The following PHEX variants were observed in gnomAD, a reference collection of about 807,000 sequenced individuals.
PHEX encodes phosphate-regulating neutral endopeptidase PHEX.
Under a neutral mutation model 68.0 loss-of-function variants are expected in PHEX, and 16 were observed. That is an observed-to-expected ratio of 0.24 (90% CI 0.16 to 0.36). The LOEUF (loss-of-function observed/expected upper bound fraction) is 0.36, where lower values mean the gene tolerates loss of function less well. Ranked by LOEUF, PHEX falls within the 10% of genes least tolerant of loss-of-function variation. PHEX has a pLI of 1.00. For missense variants in PHEX, 480 were observed against 575.5 expected (o/e 0.83, Z 1.70); for synonymous variants, 208 against 205.1 (o/e 1.01, Z -0.12).
intron 12 of PHEX, among the ~76,000 whole-genome samples, chrX:22,155,489 T>G (rs1483639230): frequency 3.6e-5 from 4 of 112,382 alleles, no homozygotes; most frequent in Non-Finnish European, 7.5e-5. Context: ...TGAGAAACGT[T>G]AGGTGTTAGG....
At chrX:22,212,267 T>C (rs1054677996) in intron 15 of PHEX, among the ~76,000 whole-genome samples, 1 of 111,299 alleles carries the variant, frequency 9.0e-6, no homozygotes, top group African/African-American at 3.3e-5. Flanking sequence ...TGTATCGTAT[T>C]TACCTTGTAT....
intron 5 of PHEX, among the ~76,000 whole-genome samples, chrX:22,079,459 A>G (rs1929293868): frequency 1.8e-5 from 2 of 112,015 alleles, no homozygotes; most frequent in Admixed American, 9.5e-5. Context: ...AATTAAAAAT[A>G]TATCATTGCA....
chrX:22,084,698 G>T (rs960182789), intron 5 of PHEX, among the ~76,000 whole-genome samples: 2 of 110,182 alleles, frequency 1.8e-5, no homozygotes, highest in African/African-American at 3.3e-5. Context: ...TTAGTTTGTT[G>T]AGGTTTTCTA....
intron 3 of PHEX, among the ~76,000 whole-genome samples, chrX:22,056,578 A>G (rs967315802): frequency 3.6e-5 from 4 of 109,740 alleles, no homozygotes; most frequent in Non-Finnish European, 5.7e-5. Context: ...AGGTGGGTGG[A>G]TCACCTGAGG....
At chrX:22,156,245 G>A (rs1602343836) in intron 12 of PHEX, among the ~76,000 whole-genome samples, 1 of 110,444 alleles carries the variant, frequency 9.1e-6, no homozygotes, top group South Asian at 3.8e-4. Flanking sequence ...AAATATATGA[G>A]GGGACCTAAC....
At chrX:22,190,082 T>C (rs906513037) in intron 14 of PHEX, among the ~76,000 whole-genome samples, 1 of 112,593 alleles carries the variant, frequency 8.9e-6, no homozygotes, top group Non-Finnish European at 1.9e-5. Context: ...ACCCATTGAA[T>C]AGGGCCTGGC....
intron 15 of PHEX, among the ~76,000 whole-genome samples, chrX:22,208,160 G>A (rs1434622154): frequency 9.3e-6 from 1 of 107,416 alleles, no homozygotes; most frequent in Non-Finnish European, 1.9e-5. Context: ...TATGTGTAGA[G>A]CCCTTTTTAC....
chrX:22,032,937 C>G lies in PHEX; in HGVS notation c.-69C>G. The G allele has an allele frequency of 1.3e-6, 1 of 795,558 alleles. No individual in the cohort carries two copies. The highest frequency in any genetic ancestry group is 1.9e-6 in the Non-Finnish European group (1 of 515,955). The allele number at this position is 795,558 out of a possible 1,213,427, so 65.6% of individuals were successfully genotyped here. A position where few individuals can be genotyped will look rare whatever the true frequency, so the allele number is the denominator to read the frequency against. ...AAGAAAGCCTTGGATGTCAACGCCT[C>G]GCTCTTGAGACCAGCCACCAAACCA... On this transcript the variant is annotated 5_prime_UTR_variant, in exon 1 of 22. Coordinates refer to ENST00000379374, the MANE Select transcript of PHEX (RefSeq NM_000444.6).
intron 2 of PHEX, among the ~76,000 whole-genome samples, chrX:22,042,646 G>T (rs189656309): frequency 1.8e-5 from 2 of 111,184 alleles, no homozygotes; most frequent in Admixed American, 9.6e-5. Context: ...TTAGCCAGGC[G>T]TGGTGGCGCA....
intron 9 of PHEX, among the ~76,000 whole-genome samples, chrX:22,103,516 C>T (rs1436024425): frequency 6.3e-5 from 7 of 110,987 alleles, no homozygotes; most frequent in Admixed American, 9.6e-5. Context: ...TTTGCATTCT[C>T]GTAGCTTACC....
chrX:22,235,757 A>T (rs1271974591), intron 20 of PHEX, among the ~76,000 whole-genome samples: 1 of 110,012 alleles, frequency 9.1e-6, no homozygotes, highest in Non-Finnish European at 1.9e-5. Flanking sequence ...GTTATCATAT[A>T]TAGGCATAAT....
intron 15 of PHEX, among the ~76,000 whole-genome samples, chrX:22,210,058 C>T (rs983881053): frequency 4.5e-5 from 5 of 111,862 alleles, no homozygotes; most frequent in Non-Finnish European, 7.5e-5. Flanking sequence ...TTATTTTTCA[C>T]TTCTACCTTT....
chrX:22,205,600 A>G (rs1454752355), intron 15 of PHEX, among the ~76,000 whole-genome samples: 3 of 110,265 alleles, frequency 2.7e-5, no homozygotes, highest in African/African-American at 9.9e-5. Context: ...GTTGTCTAAA[A>G]TCATCAGCAT....
chrX:22,073,047 G>T (rs1928975578), intron 3 of PHEX, among the ~76,000 whole-genome samples: 1 of 112,007 alleles, frequency 8.9e-6, no homozygotes, highest in South Asian at 3.7e-4. Flanking sequence ...ATGGGGCTTT[G>T]CAAGGTGGCT....
intron 5 of PHEX, among the ~76,000 whole-genome samples, chrX:22,079,807 A>G (rs1347260636): frequency 2.7e-5 from 3 of 111,439 alleles, no homozygotes; most frequent in African/African-American, 9.8e-5. Context: ...TAGCTGATGA[A>G]AGTTCTTGTT....
At chrX:22,033,258 C>G in intron 1 of PHEX, 135 bp downstream of exon 1, 1 of 508,827 alleles carries the variant, frequency 2.0e-6, no homozygotes, top group Non-Finnish European at 3.5e-6. Context: ...TCTTTAGTTT[C>G]TATCAAATAT....
At position 22,039,581 on chromosome X, in the gene PHEX, A is replaced by G. The variant is rs1363134119; in HGVS notation, c.187+1044A>G. On this transcript the variant is annotated intron_variant, in intron 2 of 21. Coordinates refer to ENST00000379374, the MANE Select transcript of PHEX (RefSeq NM_000444.6). ...ACTTATGTTGAAAGTGCTGCAGTGT[A>G]TCCTCAAGACAGTGAGAGAAAAGGG... is the stretch of plus-strand genomic sequence containing the variant. 2.7e-5 allele frequency among the ~76,000 whole-genome samples: 3 copies of G among 112,430 alleles called. No homozygotes were observed. The South Asian group carries it at 1.1e-3, about 41-fold the overall frequency.
rs1935549509 is a variant in PHEX at position 22,227,552 on chromosome X, C to CCTCTT, written c.2014_2018dup (p.Pro674PhefsTer15). 1 of 1,207,153 alleles carries CCTCTT rather than the reference C, an allele frequency of 8.3e-7. No homozygotes were observed. Among genetic ancestry groups the CCTCTT allele is most frequent in the Non-Finnish European group, 1.1e-6 (1 of 892,713 alleles). On this transcript the variant is annotated frameshift_variant, in exon 20 of 22. Coordinates refer to ENST00000379374, the MANE Select transcript of PHEX (RefSeq NM_000444.6). LOFTEE classifies it high-confidence loss of function. ...TGACAGAAGGCAGGGACTTGAGGAG[C>CCTCTT]CTCTTCTACCAGGCATCACATTCAC...
At chrX:22,064,940 T>C (rs1928529285) in intron 3 of PHEX, among the ~76,000 whole-genome samples, 1 of 112,515 alleles carries the variant, frequency 8.9e-6, no homozygotes, top group Non-Finnish European at 1.9e-5. Context: ...TACCCATTAA[T>C]ACCACATTAG....
Sources: gnomAD v4.1 joint callset for allele counts (sites outside exome capture counted in the v4.1 genomes callset) on GRCh38, gnomAD v4.1.1 for gene constraint, MANE v1.5 for transcripts, NCBI Gene and HGNC (gene_info 2026-07-23, HGNC 2026-07-21) for gene names.